The following ACSM2B variants were observed in gnomAD, a reference collection of about 807,000 sequenced individuals.
ACSM2B encodes the protein acyl-CoA synthetase medium chain family member 2B, also known as acyl-coenzyme A synthetase ACSM2B, mitochondrial.
ACSM2B carries 58 observed loss-of-function variants against 78.6 expected under a neutral mutation model. The ratio of observed to expected loss-of-function variants is 0.74; its 90% CI spans 0.60 to 0.92. The LOEUF is 0.92. Ranked by LOEUF, ACSM2B falls within the 40% of genes least tolerant of loss-of-function variation. The pLI is 0.00. For missense variants in ACSM2B, 688 were observed against 711.2 expected (o/e 0.97, Z 0.37); for synonymous variants, 257 against 256.8 (o/e 1.00, Z -0.01).
In ACSM2B at chr16:20,555,275, A is replaced by T; in HGVS notation, c.590T>A (p.Leu197Gln). 6.2e-7 allele frequency: 1 copy of T among 1,613,928 alleles called. No homozygotes were observed. ...GAGACATGTAGATACTCACTTTAGT[A>T]GTTTCTTGAAGTTCAGCCACCCATC... ...SCDGWLNFKK[L>Q]LNEASTTHHC... Residue 197 changes from leucine (L) to glutamine (Q), a missense_variant, in exon 4 of 14, where the codon CTA becomes CAA. Transcript: ENST00000329697.
Position 20,553,875 on chromosome 16 carries a change from T to G in ACSM2B, c.642A>C (p.Glu214Asp), listed in dbSNP as rs2015390497. ...THHCVETGSQ[E>D]ASAIYFTSGT... is the part of the protein sequence containing the mutation. ...CACTAGTGAAGTAGATGGCAGATGC[T>G]TCCTGGCTTCCAGTCTCCACACAGT... Residue 214 changes from glutamate to aspartate, a missense_variant, in exon 5 of 14, where the codon GAA becomes GAC. By Grantham distance (45) the Glu-to-Asp change is conservative. Coordinates refer to ENST00000329697, the MANE Select transcript of ACSM2B (RefSeq NM_001105069.2). 6.2e-7 allele frequency: 1 copy of G among 1,613,818 alleles called. No individual in the cohort carries two copies. Among genetic ancestry groups the G allele is most frequent in the Admixed American group, 1.7e-5 (1 of 59,982 alleles).
intron 4 of ACSM2B, 111 bp from the exon 5 acceptor site, chr16:20,554,031 C>G (rs2015396234): frequency 7.6e-7 from 1 of 1,309,758 alleles, no homozygotes; most frequent in Non-Finnish European, 1.1e-6. Context: ...GTTGATGGAC[C>G]CACCTCACAA....
chr16:20,557,622 C>G (rs2015515138), intron 3 of ACSM2B, among the ~76,000 whole-genome samples: 1 of 152,220 alleles, frequency 6.6e-6, no homozygotes, highest in Non-Finnish European at 1.5e-5. Flanking sequence ...ATCCATCAAT[C>G]ATTTCCCATT....
intron 10 of ACSM2B, chr16:20,544,445 T>C (rs1436159483): frequency 1.7e-6 from 1 of 578,118 alleles, no homozygotes. Flanking sequence ...AAAGTTTAAA[T>C]GAGTTTAAAG....
Position 20,546,422 on chromosome 16 carries a change from C to G in ACSM2B, c.1151G>C (p.Gly384Ala), listed in dbSNP as rs1482026512. The G allele has an allele frequency of 3.7e-6, 6 of 1,608,834 alleles. No homozygotes were observed. In the African/African-American group the frequency reaches 6.7e-5, roughly 18 times the overall value. ...KTMKIKPGYM[G>A]TAASCYDVQV... ...TACATCATAACAGGAAGCAGCCGTT[C>G]CCATGTATCCTGGTTTGATTTTCAT... The change falls in exon 9 of 14, where the codon GGA becomes GCA. Residue 384 changes from glycine to alanine, a missense_variant. Gly to Ala is a moderately conservative substitution (Grantham distance 60). Coordinates refer to ENST00000329697, the MANE Select transcript of ACSM2B (RefSeq NM_001105069.2).
At chr16:20,546,126 A>G (rs927728065) in intron 9 of ACSM2B, among the ~76,000 whole-genome samples, 1 of 152,158 alleles carries the variant, frequency 6.6e-6, no homozygotes, top group African/African-American at 2.4e-5. Context: ...TTTGTTTTTA[A>G]AGCATATATA....
rs1355660521 is a variant in ACSM2B, at chr16:20,546,742, A to T, written c.1099-268T>A. On this transcript the variant is annotated intron_variant, in intron 8 of 13. Transcript: ENST00000329697. ...TCACATTATAATCTCTTTTAGGGGG[A>T]GTCACATTTTAATACGACGCTATGG... 12 of 428,042 alleles carry T rather than the reference A, an allele frequency of 2.8e-5. 1 individual carries two copies. Among genetic ancestry groups the T allele is most frequent in the African/African-American group, 1.4e-4 (7 of 49,426 alleles). The allele number at this position is 428,042 out of a possible 1,614,324, so 26.5% of individuals were successfully genotyped here.
rs527543074 is a variant in ACSM2B at position 20,537,054 on chromosome 16, T to C, written c.*204A>G. On this transcript the variant is annotated 3_prime_UTR_variant, in exon 14 of 14. Transcript: ENST00000329697. ...TTTCTTTCCTCTTTTTCTGTTACCC[T>C]CTCCTTTTCACTCTCTCTCATTCCT... 18 of 531,670 alleles carry C rather than the reference T, an allele frequency of 3.4e-5. No individual in the cohort carries two copies. Among genetic ancestry groups the C allele is most frequent in the Admixed American group, 3.0e-4 (8 of 26,932 alleles). The allele number at this position is 531,670 out of a possible 1,614,324, so 32.9% of individuals were successfully genotyped here.
At chr16:20,565,525 G>A (rs1056540120) in intron 1 of ACSM2B, among the ~76,000 whole-genome samples, 1 of 152,120 alleles carries the variant, frequency 6.6e-6, no homozygotes, top group East Asian at 1.9e-4. Flanking sequence ...GATGTATAGG[G>A]TGTTTGTTAC....
intron 13 of ACSM2B, among the ~76,000 whole-genome samples, chr16:20,539,312 A>C (rs1257509836): frequency 1.7e-5 from 2 of 120,276 alleles, no homozygotes; most frequent in African/African-American, 6.3e-5. Context: ...GCCTGTGCTG[A>C]GGAAAGGCAG....
At position 20,567,817 on chromosome 16, in the gene ACSM2B, T is replaced by C. The variant is rs562367517; in HGVS notation, c.-8-2964A>G. Reference sequence around the variant, plus strand: ...ATGATATATAATAGTATGGTATGTATAGATATATAAAACTATACTATTATA... The same window carrying C: ...ATGATATATAATAGTATGGTATGTACAGATATATAAAACTATACTATTATA... On this transcript the variant is annotated intron_variant, in intron 1 of 13. Transcript: ENST00000329697. Among the ~76,000 whole-genome samples the C allele has an allele frequency of 3.5e-5, 5 of 141,336 alleles. No individual in the cohort carries two copies. The East Asian group carries it at 7.9e-4, about 22-fold the overall frequency. The allele number at this position is 141,336 out of a possible 152,430, so 92.7% of individuals were successfully genotyped here.
At chr16:20,560,364 G>A (rs1483409789) in intron 2 of ACSM2B, among the ~76,000 whole-genome samples, 1 of 151,938 alleles carries the variant, frequency 6.6e-6, no homozygotes, top group Non-Finnish European at 1.5e-5. Context: ...GAATGGCTTA[G>A]CACCATCCCC....
intron 12 of ACSM2B, chr16:20,541,420 T>A (rs2014985053): frequency 6.6e-6 from 1 of 152,208 alleles, no homozygotes; most frequent in African/African-American, 2.4e-5. Flanking sequence ...CATCTGAGCC[T>A]ATTTCTATAA....
intron 9 of ACSM2B, 134 bp downstream of exon 9, chr16:20,546,260 C>T (rs1439226327): frequency 1.4e-6 from 2 of 1,436,258 alleles, no homozygotes; most frequent in Non-Finnish European, 1.8e-6. Flanking sequence ...TAACCTCCCT[C>T]CGTCCCTTTT....
chr16:20,556,389 G>A (rs1179124367), intron 3 of ACSM2B, among the ~76,000 whole-genome samples: 1 of 152,162 alleles, frequency 6.6e-6, no homozygotes, highest in African/African-American at 2.4e-5. Context: ...ACTATTAGAG[G>A]TCAAGAGTTC....
At chr16:20,555,612 A>T in intron 3 of ACSM2B, 136 bp from the exon 4 acceptor site, 1 of 1,471,230 alleles carries the variant, frequency 6.8e-7, no homozygotes, top group Non-Finnish European at 9.0e-7. Context: ...GAACGTCAAT[A>T]AAAAAGGGGA....
intron 1 of ACSM2B, chr16:20,575,922 A>G (rs2016237014): frequency 6.6e-6 from 1 of 150,912 alleles, no homozygotes; most frequent in Admixed American, 6.6e-5. Context: ...TTCTGGTCTC[A>G]CCTCCTCTGG....
intron 12 of ACSM2B, chr16:20,541,573 T>C (rs531248901): frequency 6.6e-6 from 1 of 152,072 alleles, no homozygotes; most frequent in African/African-American, 2.4e-5. Flanking sequence ...AACAGCAGGA[T>C]AGAATCCTTC....
intron 1 of ACSM2B, among the ~76,000 whole-genome samples, chr16:20,567,119 A>T (rs2015921559): frequency 7.4e-6 from 1 of 135,844 alleles, no homozygotes; most frequent in Non-Finnish European, 1.5e-5. Context: ...ATAATAGTAT[A>T]GTATATATAG....
Sources: gnomAD v4.1 joint callset for allele counts (sites outside exome capture counted in the v4.1 genomes callset) on GRCh38, gnomAD v4.1.1 for gene constraint, MANE v1.5 for transcripts, NCBI Gene and HGNC (gene_info 2026-07-23, HGNC 2026-07-21) for gene names.